NBAS: variants seen among roughly 807,000 people sequenced by gnomAD.
NBAS encodes the protein NAG/BC035112 fusion.
NBAS carries 219 observed loss-of-function variants against 302.5 expected under a neutral mutation model. The ratio of observed to expected loss-of-function variants is 0.72; its 90% confidence interval spans 0.65 to 0.81. NBAS has a LOEUF of 0.81. NBAS is among the 30% of genes least tolerant of loss of function. The pLI is 0.00. For synonymous variants in NBAS, 1,118 were observed against 1,021.6 expected, an observed-to-expected ratio of 1.09 and a Z score of -1.80; for missense variants, 2,932 against 2,841.6, an observed-to-expected ratio of 1.03 and a Z score of -0.72.
intron 28 of NBAS, among the ~76,000 whole-genome samples, chr2:15,389,712 C>T (rs1298648890): frequency 6.6e-6 from 1 of 152,154 alleles, no homozygotes; most frequent in East Asian, 1.9e-4. Flanking sequence ...AAATACTGGA[C>T]ATCAGGCAAT....
chr2:15,111,353 C>A, the NBAS span, among the ~76,000 whole-genome samples: 1 of 152,058 alleles, frequency 6.6e-6, no homozygotes, highest in Non-Finnish European at 1.5e-5. Flanking sequence ...CCCCATGAAT[C>A]CCACATTGGG....
At chr2:14,787,647 G>A in the NBAS span, among the ~76,000 whole-genome samples, 1 of 152,212 alleles carries the variant, frequency 6.6e-6, no homozygotes, top group East Asian at 1.9e-4. Context: ...TTGGATATTG[G>A]CCCCCACTCT....
chr2:15,173,960 A>G (rs1664415271), intron 51 of NBAS, among the ~76,000 whole-genome samples: 1 of 152,230 alleles, frequency 6.6e-6, no homozygotes, highest in Non-Finnish European at 1.5e-5. Flanking sequence ...CTTCATACAC[A>G]GTGCCAGGCT....
chr2:15,114,617 C>T, the NBAS span, among the ~76,000 whole-genome samples: 1 of 151,998 alleles, frequency 6.6e-6, no homozygotes, highest in Non-Finnish European at 1.5e-5. Context: ...GATGATAAAA[C>T]TATAAAGAAA....
chr2:15,079,170 A>T, the NBAS span, among the ~76,000 whole-genome samples: 1 of 152,090 alleles, frequency 6.6e-6, no homozygotes, highest in African/African-American at 2.4e-5. Context: ...TACCAGATTA[A>T]TCTCAAAGGC....
chr2:15,314,230 C>T (rs1671406381), intron 38 of NBAS, among the ~76,000 whole-genome samples: 1 of 152,090 alleles, frequency 6.6e-6, no homozygotes, highest in African/African-American at 2.4e-5. Context: ...ATGGCATGCA[C>T]CGGTAGTCCC....
At chr2:15,438,616 T>C (rs570908276) in intron 21 of NBAS, among the ~76,000 whole-genome samples, 10 of 152,342 alleles carry the variant, frequency 6.6e-5, no homozygotes, top group African/African-American at 2.4e-4. Context: ...CCTCGCTCAC[T>C]GCCTGAAGAG....
At chr2:15,495,446 T>C (rs1681030207) in intron 11 of NBAS, among the ~76,000 whole-genome samples, 1 of 152,086 alleles carries the variant, frequency 6.6e-6, no homozygotes, top group Non-Finnish European at 1.5e-5. Flanking sequence ...AAAAAACAGT[T>C]TCTTCAACAA....
intron 21 of NBAS, among the ~76,000 whole-genome samples, chr2:15,446,734 A>G (rs1266865927): frequency 1.3e-5 from 2 of 152,204 alleles, no homozygotes; most frequent in Non-Finnish European, 2.9e-5. Flanking sequence ...AGTTAAATGT[A>G]TGGCAACAAT....
At chr2:15,327,700 T>C in intron 38 of NBAS, 50 bp downstream of exon 38, 2 of 1,608,408 alleles carry the variant, frequency 1.2e-6, no homozygotes, top group East Asian at 2.2e-5. Context: ...TGGTTAACAA[T>C]GTTCACCTAG....
chr2:15,334,254 A>G (rs1672478210), intron 35 of NBAS, among the ~76,000 whole-genome samples: 1 of 151,534 alleles, frequency 6.6e-6, no homozygotes, highest in African/African-American at 2.4e-5. Flanking sequence ...CAGTGGCACA[A>G]TCTCGGCTCA....
intron 35 of NBAS, among the ~76,000 whole-genome samples, chr2:15,333,638 C>T (rs1002032837): frequency 2.0e-5 from 3 of 151,382 alleles, no homozygotes; most frequent in Non-Finnish European, 2.9e-5. Flanking sequence ...ATGTTTTTAT[C>T]CTAATTCATA....
chr2:15,296,753 C>CACTT (rs1670570336), intron 40 of NBAS, among the ~76,000 whole-genome samples: 1 of 152,060 alleles, frequency 6.6e-6, no homozygotes, highest in African/African-American at 2.4e-5. Context: ...GCACAAGGAT[C>CACTT]ACTTGAGCTC....
At chr2:15,146,288 C>T in the NBAS span, among the ~76,000 whole-genome samples, 3 of 152,078 alleles carry the variant, frequency 2.0e-5, no homozygotes, top group Non-Finnish European at 4.4e-5. Context: ...CTGTTTGGTA[C>T]CTAGTACGCA....
the NBAS span, chr2:14,890,854 CAA>C: frequency 5.6e-3 from 861 of 152,934 alleles, 13 homozygotes; most frequent in South Asian, 0.01. Context: ...CAAACAACAA[CAA>C]AAAAAAACAT....
intron 9 of NBAS, among the ~76,000 whole-genome samples, chr2:15,516,491 G>A (rs900582331): frequency 2.6e-4 from 39 of 152,238 alleles, no homozygotes; most frequent in African/African-American, 6.7e-4. Context: ...GGGAAGCCCA[G>A]GTGGGTGGAT....
intron 40 of NBAS, among the ~76,000 whole-genome samples, chr2:15,305,449 G>GCT (rs766552962): frequency 5.7e-5 from 7 of 123,802 alleles, no homozygotes; most frequent in Non-Finnish European, 8.4e-5. Flanking sequence ...GTCTCGAGCA[G>GCT]TTTTTTTTTT....
At chr2:15,260,623 G>A (rs554927310) in intron 44 of NBAS, among the ~76,000 whole-genome samples, 4 of 152,178 alleles carry the variant, frequency 2.6e-5, no homozygotes, top group East Asian at 3.9e-4. Context: ...GGAGACAGGC[G>A]ATTTCGGTTG....
chr2:14,891,838 T>C, the NBAS span, among the ~76,000 whole-genome samples: 10 of 152,298 alleles, frequency 6.6e-5, no homozygotes, highest in African/African-American at 2.4e-4. Context: ...TTACTTTACC[T>C]TCACCACATT....
Sources: allele counts gnomAD v4.1 joint callset (sites outside exome capture counted in the v4.1 genomes callset), GRCh38; gene constraint gnomAD v4.1.1; transcripts MANE v1.5; gene names NCBI Gene and HGNC (gene_info 2026-07-23, HGNC 2026-07-21).